Variants in HP1BP3 observed in about 807,000 individuals in gnomAD.
HP1BP3 encodes heterochromatin protein 1 binding protein 3.
Under a neutral mutation model 62.5 loss-of-function variants are expected in HP1BP3, and 12 were observed. That is an observed-to-expected ratio of 0.19 (90% CI 0.12 to 0.31). The LOEUF (loss-of-function observed/expected upper bound fraction) is 0.31, where lower values mean the gene tolerates loss of function less well. Among genes scored for constraint, HP1BP3 ranks in the 10% least tolerant of loss-of-function variants. The probability of loss-of-function intolerance (pLI) is 1.00; values close to 1 mark genes in which losing one functional copy is unlikely to be tolerated. For synonymous variants in HP1BP3, 260 were observed against 237.8 expected, an observed-to-expected ratio of 1.09 and a Z score of -0.86; for missense variants, 502 against 651.8, an observed-to-expected ratio of 0.77 and a Z score of 2.50.
At chr1:20,751,629 G>A (rs993815051) in intron 9 of HP1BP3, among the ~76,000 whole-genome samples, 1 of 151,906 alleles carries the variant, frequency 6.6e-6, no homozygotes, top group East Asian at 1.9e-4. Context: ...GGGTGAGGGG[G>A]GAGGATGGCT....
intron 6 of HP1BP3, among the ~76,000 whole-genome samples, chr1:20,768,954 G>A (rs191031432): frequency 1.3e-5 from 2 of 152,302 alleles, no homozygotes; most frequent in Non-Finnish European, 1.5e-5. Context: ...TCAAACCAAG[G>A]GTGGTCAGGC....
chr1:20,781,859 C>G (rs2057565375), intron 1 of HP1BP3, among the ~76,000 whole-genome samples: 1 of 152,180 alleles, frequency 6.6e-6, no homozygotes, highest in African/African-American at 2.4e-5. Context: ...CTCCTGATCT[C>G]AGATGATCTG....
intron 8 of HP1BP3, among the ~76,000 whole-genome samples, chr1:20,763,702 T>C (rs1470488352): frequency 6.6e-6 from 1 of 152,216 alleles, no homozygotes; most frequent in East Asian, 1.9e-4. Context: ...ACTGAGCAAA[T>C]GTGACAATCT....
chr1:20,784,908 T>C (rs1204098299), intron 1 of HP1BP3, among the ~76,000 whole-genome samples: 1 of 152,188 alleles, frequency 6.6e-6, no homozygotes, highest in African/African-American at 2.4e-5. Flanking sequence ...AATATTTGCT[T>C]TTTGTCAAGG....
At chr1:20,776,573 T>TA in intron 4 of HP1BP3, 24 bp downstream of exon 4, 1 of 1,585,804 alleles carries the variant, frequency 6.3e-7, no homozygotes, top group Non-Finnish European at 8.6e-7. Context: ...CAAATATAAA[T>TA]AGCAAGAAGA....
In HP1BP3 at chr1:20,775,931, A is replaced by C; in HGVS notation, c.350+666T>G. 4 of 1,504,888 alleles carry C rather than the reference A, an allele frequency of 2.7e-6. No homozygotes were observed. In the South Asian group the frequency reaches 4.0e-5, roughly 15 times the overall value. 93.2% of individuals were successfully genotyped at this position (1,504,888 alleles called of 1,614,324 possible). A position where few individuals can be genotyped will look rare whatever the true frequency, so the allele number is the denominator to read the frequency against. ...ATGTATACCCATTGTTAAGCAATGCATGACTATAGTTAAAAGCAATTTCTA... is the reference window on the plus strand; with the variant it reads ...ATGTATACCCATTGTTAAGCAATGCCTGACTATAGTTAAAAGCAATTTCTA... On this transcript the variant is annotated intron_variant, in intron 4 of 12. Coordinates refer to ENST00000438032, the MANE Select transcript of HP1BP3 (RefSeq NM_001372052.1).
intron 10 of HP1BP3, among the ~76,000 whole-genome samples, chr1:20,748,676 C>T (rs140054783): frequency 1.3e-3 from 197 of 152,096 alleles, no homozygotes; most frequent in Middle Eastern, 3.4e-3. Context: ...AGGAGAATGG[C>T]GTGAACCCAG....
intron 4 of HP1BP3, chr1:20,776,009 CA>C (rs67814500): frequency 0.14 from 167,832 of 1,157,980 alleles, 2 homozygotes; most frequent in East Asian, 0.25. Flanking sequence ...AGCTCTCCTG[CA>C]AAAAAAAAAA....
chr1:20,766,669 G>A (rs1168097128), intron 7 of HP1BP3, among the ~76,000 whole-genome samples: 4 of 152,222 alleles, frequency 2.6e-5, no homozygotes, highest in African/African-American at 9.6e-5. Context: ...TGGGCATGGT[G>A]TGGTTCACAT....
intron 1 of HP1BP3, among the ~76,000 whole-genome samples, chr1:20,781,570 T>C (rs1170505368): frequency 6.6e-6 from 1 of 152,232 alleles, no homozygotes; most frequent in African/African-American, 2.4e-5. Flanking sequence ...GCTGAAAGAA[T>C]TCAGTGCAGT....
intron 8 of HP1BP3, 118 bp downstream of exon 8, chr1:20,765,259 G>C (rs1028387125): frequency 8.8e-6 from 5 of 565,344 alleles, no homozygotes; most frequent in African/African-American, 8.1e-5. Flanking sequence ...CAATAAAAAA[G>C]ATTTATTTTT....
chr1:20,775,605 C>G (rs1366702344), intron 4 of HP1BP3: 1 of 173,280 alleles, frequency 5.8e-6, no homozygotes, highest in African/African-American at 2.4e-5. Flanking sequence ...CTCACCCAAA[C>G]AACTTCCAAT....
At chr1:20,786,942 C>T (rs901666032) in intron 1 of HP1BP3, among the ~76,000 whole-genome samples, 1 of 151,986 alleles carries the variant, frequency 6.6e-6, no homozygotes, top group Non-Finnish European at 1.5e-5. Flanking sequence ...AGGGCGGGAG[C>T]GCGCGCGCCG....
At chr1:20,745,221 AT>A in intron 12 of HP1BP3, 130 bp from the exon 13 acceptor site, 1 of 1,027,236 alleles carries the variant, frequency 9.7e-7, no homozygotes, top group Non-Finnish European at 1.4e-6. Context: ...GAATGTGACA[AT>A]TTTTTACTAG....
intron 1 of HP1BP3, among the ~76,000 whole-genome samples, chr1:20,783,766 T>C (rs1333091808): frequency 1.5e-5 from 1 of 64,850 alleles, no homozygotes; most frequent in Admixed American, 2.1e-4. Context: ...TGAGACTCTG[T>C]CTCAAAAAAA....
intron 8 of HP1BP3, among the ~76,000 whole-genome samples, chr1:20,765,120 G>A (rs2056712170): frequency 7.0e-6 from 1 of 143,736 alleles, no homozygotes; most frequent in Non-Finnish European, 1.5e-5. Context: ...AGTGAGTTGA[G>A]ATGGTGCCAC....
At chr1:20,780,095 A>G (rs964247708) in intron 2 of HP1BP3, among the ~76,000 whole-genome samples, 184 bp from the exon 3 acceptor site, 2 of 152,236 alleles carry the variant, frequency 1.3e-5, no homozygotes, top group Non-Finnish European at 2.9e-5. Flanking sequence ...CACTTTTTAA[A>G]GTATGTTATT....
chr1:20,752,734 G>A (rs1025639522), intron 9 of HP1BP3, among the ~76,000 whole-genome samples: 1 of 152,086 alleles, frequency 6.6e-6, no homozygotes, highest in African/African-American at 2.4e-5. Flanking sequence ...AAAAAAAAGA[G>A]CACGAATTCA....
chr1:20,767,635 A>G lies in HP1BP3; in HGVS notation c.684T>C (p.Phe228=). ...QVKGKGASGS[F]VVVQKSRKTP... is the part of the protein sequence containing the mutation. ...TTTTTCTTGATTTCTGAACCACAAC[A>G]AAACTTCCAGAAGCACCTTTTCCTT... The change falls in exon 7 of 13, where the codon TTT becomes TTC. Residue 228 remains phenylalanine, a synonymous_variant. Coordinates refer to ENST00000438032, the MANE Select transcript of HP1BP3 (RefSeq NM_001372052.1). 6.2e-7 allele frequency: 1 copy of G among 1,610,550 alleles called. No homozygotes were observed. The highest frequency in any genetic ancestry group is 1.1e-5 in the South Asian group (1 of 90,196).
Sources: gnomAD v4.1 joint callset for allele counts (sites outside exome capture counted in the v4.1 genomes callset) on GRCh38, gnomAD v4.1.1 for gene constraint, MANE v1.5 for transcripts, NCBI Gene and HGNC (gene_info 2026-07-23, HGNC 2026-07-21) for gene names.